Variants in SH3RF3 observed in about 807,000 individuals in gnomAD.
SH3RF3 encodes E3 ubiquitin-protein ligase SH3RF3.
In SH3RF3, 29 loss-of-function variants were observed where a neutral mutation model predicts 66.3. The observed-to-expected ratio is 0.44, with a 90% CI of 0.33 to 0.60. SH3RF3 has a LOEUF of 0.60. Ranked by LOEUF, SH3RF3 falls within the 20% of genes least tolerant of loss-of-function variation. The probability of loss-of-function intolerance (pLI) is 0.04; values close to 1 mark genes in which losing one functional copy is unlikely to be tolerated. For missense variants in SH3RF3, 1,194 were observed against 1,190.9 expected, an observed-to-expected ratio of 1.00 and a Z score of -0.04; for synonymous variants, 583 against 532.0, an observed-to-expected ratio of 1.10 and a Z score of -1.32.
At chr2:109,158,792 C>T (rs574210308) in intron 1 of SH3RF3, among the ~76,000 whole-genome samples, 9 of 152,304 alleles carry the variant, frequency 5.9e-5, no homozygotes, top group South Asian at 2.1e-4. Context: ...GGCTGATTCC[C>T]GAGTGTGCAC....
At chr2:109,400,797 C>A (rs1267366647) in intron 4 of SH3RF3, among the ~76,000 whole-genome samples, 3 of 152,236 alleles carry the variant, frequency 2.0e-5, no homozygotes, top group Non-Finnish European at 4.4e-5. Flanking sequence ...ACCGTGCAGT[C>A]ATCTGCCCCC....
chr2:109,338,394 T>G (rs1027719781), intron 1 of SH3RF3, among the ~76,000 whole-genome samples: 1 of 151,738 alleles, frequency 6.6e-6, no homozygotes, highest in African/African-American at 2.4e-5. Flanking sequence ...AACACAGGCC[T>G]CCTTCCTTTT....
At chr2:109,130,153 G>T in intron 1 of SH3RF3, 40 bp downstream of exon 1, 1 of 1,273,586 alleles carries the variant, frequency 7.9e-7, no homozygotes, top group Admixed American at 4.2e-5. Context: ...CGGCACGTGG[G>T]AGTGTGTGGG....
chr2:109,436,239 A>G (rs898484552), intron 6 of SH3RF3, among the ~76,000 whole-genome samples: 8 of 152,224 alleles, frequency 5.3e-5, no homozygotes, highest in African/African-American at 1.9e-4. Flanking sequence ...TAACTCTGCC[A>G]TATTTCACAT....
At chr2:109,296,089 C>T (rs527333679) in intron 1 of SH3RF3, among the ~76,000 whole-genome samples, 85 of 152,250 alleles carry the variant, frequency 5.6e-4, no homozygotes, top group African/African-American at 2.0e-3. Context: ...AGGTTGGCCC[C>T]CCAGAAGGCT....
At chr2:109,465,951 G>A (rs995927358) in intron 8 of SH3RF3, among the ~76,000 whole-genome samples, 3 of 151,738 alleles carry the variant, frequency 2.0e-5, no homozygotes, top group Admixed American at 2.0e-4. Flanking sequence ...CCTCCCACCA[G>A]ACCCCACCTC....
intron 1 of SH3RF3, among the ~76,000 whole-genome samples, chr2:109,271,110 C>T (rs1009342511): frequency 6.6e-6 from 1 of 152,186 alleles, no homozygotes. Context: ...ACCCAGCCAG[C>T]GAACGGGGCG....
intron 1 of SH3RF3, among the ~76,000 whole-genome samples, chr2:109,138,330 C>T (rs1217670783): frequency 6.6e-6 from 1 of 152,168 alleles, no homozygotes; most frequent in African/African-American, 2.4e-5. Context: ...CCTGGCCTCT[C>T]AGATAGAAAT....
At chr2:109,453,910 C>T (rs113479875) in intron 8 of SH3RF3, among the ~76,000 whole-genome samples, 1,719 of 152,230 alleles carry the variant, frequency 0.011, 36 homozygotes, top group African/African-American at 0.038. Context: ...GGACATGGCC[C>T]GAAGATGAGG....
At chr2:109,148,665 G>C (rs1677154152) in intron 1 of SH3RF3, among the ~76,000 whole-genome samples, 1 of 152,196 alleles carries the variant, frequency 6.6e-6, no homozygotes, top group Non-Finnish European at 1.5e-5. Context: ...ATGTGAAAGG[G>C]ATAATTTCTA....
chr2:109,449,756 T>A (rs1016925425), intron 8 of SH3RF3, among the ~76,000 whole-genome samples: 7 of 152,224 alleles, frequency 4.6e-5, no homozygotes, highest in South Asian at 4.1e-4. Context: ...GTGTCCCCTC[T>A]TGAAAATGCC....
chr2:109,223,237 G>A (rs7570948), intron 1 of SH3RF3, among the ~76,000 whole-genome samples: 39,687 of 152,072 alleles, frequency 0.26, 5,503 homozygotes, highest in East Asian at 0.46. Context: ...CAAGTGCCCT[G>A]ATAACCAGGA....
chr2:109,180,321 A>T (rs1306800321), intron 1 of SH3RF3, among the ~76,000 whole-genome samples: 1 of 151,942 alleles, frequency 6.6e-6, no homozygotes, highest in Non-Finnish European at 1.5e-5. Context: ...GGTATTGATG[A>T]CTTTTTCTCT....
chr2:109,413,366 G>T (rs1414352332), intron 4 of SH3RF3, among the ~76,000 whole-genome samples: 4 of 152,120 alleles, frequency 2.6e-5, no homozygotes, highest in Non-Finnish European at 4.4e-5. Context: ...TGCTTGCCTT[G>T]GCCTCCCAAA....
chr2:109,201,060 C>A (rs1400415094), intron 1 of SH3RF3, among the ~76,000 whole-genome samples: 2 of 152,168 alleles, frequency 1.3e-5, no homozygotes, highest in Non-Finnish European at 1.5e-5. Context: ...GAGCTCCAGG[C>A]TGAAGCAGCC....
At chr2:109,402,847 T>G (rs958890738) in intron 4 of SH3RF3, among the ~76,000 whole-genome samples, 1 of 152,176 alleles carries the variant, frequency 6.6e-6, no homozygotes, top group Non-Finnish European at 1.5e-5. Context: ...CCCTGGTAGT[T>G]ATTGAATCCT....
At chr2:109,317,658 G>A (rs1237567302) in intron 1 of SH3RF3, among the ~76,000 whole-genome samples, 1 of 152,304 alleles carries the variant, frequency 6.6e-6, no homozygotes, top group African/African-American at 2.4e-5. Context: ...GAGTTTAAAT[G>A]ACTTCAGGTA....
In SH3RF3 at chr2:109,449,156, A is replaced by G; in HGVS notation, c.1829-14A>G. On this transcript the variant is annotated splice_polypyrimidine_tract_variant and intron_variant, in intron 7 of 9. Transcript: ENST00000309415. ...TAACCTTTCAACCTGCTGTCTCTCC[A>G]ACCCCGTCTCCAGCTGCCCACTCTG... 6.2e-7 allele frequency: 1 copy of G among 1,611,656 alleles called. No individual in the cohort carries two copies. The highest frequency in any genetic ancestry group is 1.1e-5 in the South Asian group (1 of 90,452).
At chr2:109,230,301 C>G (rs1164958634) in intron 1 of SH3RF3, among the ~76,000 whole-genome samples, 1 of 152,132 alleles carries the variant, frequency 6.6e-6, no homozygotes, top group Non-Finnish European at 1.5e-5. Flanking sequence ...CCTGGCCAGG[C>G]ATAGTGCCTC....
Sources: gnomAD v4.1 joint callset for allele counts (sites outside exome capture counted in the v4.1 genomes callset) on GRCh38, gnomAD v4.1.1 for gene constraint, MANE v1.5 for transcripts, NCBI Gene and HGNC (gene_info 2026-07-23, HGNC 2026-07-21) for gene names.